Variants in ZFAT observed in about 807,000 individuals in gnomAD.
The protein encoded by ZFAT is zinc finger protein ZFAT.
ZFAT carries 64 observed loss-of-function variants against 117.7 expected under a neutral mutation model. The observed-to-expected ratio is 0.54, with a 90% CI of 0.44 to 0.67. The LOEUF is 0.67. Among genes scored for constraint, ZFAT ranks in the 30% least tolerant of loss-of-function variants. The pLI is 0.00. For synonymous variants in ZFAT, 679 were observed against 615.0 expected (o/e 1.10, Z -1.54); for missense variants, 1,433 against 1,584.5 (o/e 0.90, Z 1.62).
At chr8:134,488,952 A>T (rs1817848654) in intron 15 of ZFAT, among the ~76,000 whole-genome samples, 2 of 148,542 alleles carry the variant, frequency 1.3e-5, no homozygotes, top group South Asian at 4.5e-4. Context: ...CAGAGCACAG[A>T]ACAAGATGCA....
chr8:134,831,759 C>T, the ZFAT span, among the ~76,000 whole-genome samples: 7 of 152,138 alleles, frequency 4.6e-5, no homozygotes, highest in African/African-American at 1.7e-4. Context: ...CAGGGCCGCA[C>T]CGCAGCGCCC....
chr8:134,565,670 A>C (rs1174360666), intron 10 of ZFAT: 1 of 600,886 alleles, frequency 1.7e-6, no homozygotes, highest in Admixed American at 2.9e-5. Context: ...CCCCATGAGC[A>C]ATGACATTCG....
At chr8:134,610,333 C>CA in intron 4 of ZFAT, 137 bp downstream of exon 4, 1 of 981,904 alleles carries the variant, frequency 1.0e-6, no homozygotes, top group East Asian at 2.6e-5. Context: ...CTCATCCTCT[C>CA]AAATTAGTGG....
In ZFAT at chr8:134,608,772, C is replaced by T. The variant is rs755233371; in HGVS notation, c.742G>A (p.Ala248Thr). Reference sequence around the variant, plus strand: ...TGCTCATAAGGTGTCTGCTGAATGGCGTATTCCTGGTAGCCTCTCCGAGGC... The same window carrying T: ...TGCTCATAAGGTGTCTGCTGAATGGTGTATTCCTGGTAGCCTCTCCGAGGC... ...LVPRRGYQEY[A>T]IQQTPYEQPM... The change falls in exon 5 of 16, where the codon GCC (alanine) becomes ACC (threonine). Residue 248 changes from alanine to threonine, a missense_variant. By Grantham distance (58) the Ala-to-Thr change is moderately conservative (BLOSUM62 0). Around this residue, in one of 5 missense-constraint regions of ZFAT, gnomAD observed 436 missense variants for 482.0 expected, o/e 0.90. Coordinates refer to ENST00000377838, the MANE Select transcript of ZFAT (RefSeq NM_020863.4). 3.2e-5 allele frequency: 51 copies of T among 1,610,480 alleles called. No homozygotes were observed. Among genetic ancestry groups the T allele is most frequent in the Non-Finnish European group, 4.1e-5 (48 of 1,178,736 alleles).
intron 4 of ZFAT, among the ~76,000 whole-genome samples, chr8:134,609,107 CTT>C (rs907278896): frequency 1.3e-5 from 2 of 151,916 alleles, no homozygotes; most frequent in Non-Finnish European, 1.5e-5. Context: ...TAAATGTCCT[CTT>C]GAGATATATT....
chr8:134,692,725 T>C (rs1833642596), intron 1 of ZFAT, among the ~76,000 whole-genome samples: 1 of 152,222 alleles, frequency 6.6e-6, no homozygotes, highest in Admixed American at 6.5e-5. Flanking sequence ...CCAAGTAACT[T>C]TGGAAGCTGC....
At chr8:134,825,973 A>C in the ZFAT span, among the ~76,000 whole-genome samples, 1 of 150,842 alleles carries the variant, frequency 6.6e-6, no homozygotes, top group South Asian at 2.1e-4. Flanking sequence ...GTGAGCCGAG[A>C]TTGCGCCACT....
At chr8:134,707,681 A>G (rs2131367399) in intron 1 of ZFAT, among the ~76,000 whole-genome samples, 1 of 152,152 alleles carries the variant, frequency 6.6e-6, no homozygotes, top group East Asian at 1.9e-4. Context: ...ACTGCCCACT[A>G]TGGGATGCTG....
At chr8:134,741,869 C>A in the ZFAT span, among the ~76,000 whole-genome samples, 1,261 of 150,944 alleles carry the variant, frequency 8.4e-3, 11 homozygotes, top group Non-Finnish European at 0.012. Context: ...AAAAAAAAAA[C>A]AAACCAAGGA....
At chr8:134,816,482 GA>G in the ZFAT span, among the ~76,000 whole-genome samples, 903 of 130,352 alleles carry the variant, frequency 6.9e-3, 8 homozygotes, top group African/African-American at 0.015. Flanking sequence ...CCAGTAAAAA[GA>G]AAAAAAAAAA....
rs76713447 is a variant in ZFAT, at chr8:134,666,902, A to T, written c.20-9165T>A. ...AAAGATATAAATCCACTAATTCAAG[A>T]AGCTGAGCAAACCCGACAGGATAAA... On this transcript the variant is annotated intron_variant, in intron 1 of 15. Coordinates refer to ENST00000377838, the MANE Select transcript of ZFAT (RefSeq NM_020863.4). 2.5e-3 allele frequency among the ~76,000 whole-genome samples: 384 copies of T among 152,356 alleles called. 6 individuals carry two copies. In the East Asian group the frequency reaches 0.046, roughly 18 times the overall value.
At chr8:134,741,269 C>T in the ZFAT span, among the ~76,000 whole-genome samples, 7 of 151,870 alleles carry the variant, frequency 4.6e-5, no homozygotes, top group East Asian at 1.9e-4. Flanking sequence ...TATTGGCTCA[C>T]GTTGACCTCT....
At chr8:134,768,308 G>A in the ZFAT span, among the ~76,000 whole-genome samples, 9 of 152,204 alleles carry the variant, frequency 5.9e-5, no homozygotes, top group Non-Finnish European at 8.8e-5. Flanking sequence ...TTGAGGCATC[G>A]CAAAACAGAC....
chr8:134,672,723 A>G (rs1188796764), intron 1 of ZFAT, among the ~76,000 whole-genome samples: 1 of 152,212 alleles, frequency 6.6e-6, no homozygotes, highest in African/African-American at 2.4e-5. Context: ...AAATGGCACA[A>G]CATTTTTCAA....
At position 134,652,260 on chromosome 8, in the gene ZFAT, C is replaced by T. The variant is rs188177766; in HGVS notation, c.196+5301G>A. Among the ~76,000 whole-genome samples, 75 of 152,320 alleles carry T rather than the reference C, an allele frequency of 4.9e-4. 2 individuals carry two copies. The Middle Eastern group carries it at 0.01, about 21-fold the overall frequency. ...CCAGCCTGGGCAAATGAGCGAGACT[C>T]TGTCTCAAAATAATAATAATAAAGG... On this transcript the variant is annotated intron_variant, in intron 2 of 15. Transcript: ENST00000377838.
At chr8:134,786,381 G>A in the ZFAT span, among the ~76,000 whole-genome samples, 1 of 152,136 alleles carries the variant, frequency 6.6e-6, no homozygotes, top group African/African-American at 2.4e-5. Context: ...ATAACTATGG[G>A]TTTTGGTAAG....
chr8:134,664,606 G>A (rs1427161518), intron 1 of ZFAT, among the ~76,000 whole-genome samples: 2 of 152,264 alleles, frequency 1.3e-5, no homozygotes, highest in Non-Finnish European at 2.9e-5. Context: ...CGTTCATAAA[G>A]CAGCGTATAA....
chr8:134,669,411 A>T (rs1311590499), intron 1 of ZFAT, among the ~76,000 whole-genome samples: 1 of 152,260 alleles, frequency 6.6e-6, no homozygotes, highest in Non-Finnish European at 1.5e-5. Flanking sequence ...CTCTCGGCGG[A>T]AACTCCACAA....
the ZFAT span, among the ~76,000 whole-genome samples, chr8:134,728,570 G>C: frequency 2.6e-5 from 4 of 152,166 alleles, no homozygotes; most frequent in Non-Finnish European, 4.4e-5. Flanking sequence ...AGCATGCTGG[G>C]CTCAGCGGGC....
Sources: gnomAD v4.1 joint callset for allele counts (sites outside exome capture counted in the v4.1 genomes callset) on GRCh38, gnomAD v4.1.1 for gene constraint, gnomAD v4.1.1 regional missense constraint, MANE v1.5 for transcripts, NCBI Gene and HGNC (gene_info 2026-07-23, HGNC 2026-07-21) for gene names.